The following CNTNAP5 variants were observed in gnomAD, a reference collection of about 807,000 sequenced individuals.
The protein encoded by CNTNAP5 is contactin-associated protein-like 5.
A neutral mutation model predicts 150.2 loss-of-function variants in CNTNAP5; 72 were observed. That is an observed-to-expected ratio of 0.48 (90% CI 0.40 to 0.58). CNTNAP5 has a LOEUF of 0.58. CNTNAP5 is among the 20% of genes least tolerant of loss of function. The pLI is 0.00. For synonymous variants in CNTNAP5, 672 were observed against 619.8 expected, an observed-to-expected ratio of 1.08 and a Z score of -1.25; for missense variants, 1,636 against 1,626.2, an observed-to-expected ratio of 1.01 and a Z score of -0.10.
intron 7 of CNTNAP5, among the ~76,000 whole-genome samples, chr2:124,483,190 C>A (rs972736511): frequency 8.5e-5 from 13 of 152,166 alleles, no homozygotes; most frequent in African/African-American, 3.1e-4. Context: ...TCAAAATATT[C>A]ACCAGGTTCT....
chr2:124,710,605 A>G (rs1679786897), intron 13 of CNTNAP5, among the ~76,000 whole-genome samples: 1 of 152,122 alleles, frequency 6.6e-6, no homozygotes, highest in Admixed American at 6.6e-5. Context: ...GGTGCTGAAG[A>G]TATGGCAATT....
chr2:124,870,617 ACTCT>A (rs67823703), intron 21 of CNTNAP5, among the ~76,000 whole-genome samples: 6,403 of 151,702 alleles, frequency 0.042, 441 homozygotes, highest in African/African-American at 0.15. Flanking sequence ...ATTCTTTCTG[ACTCT>A]CTCTCTATCA....
chr2:124,280,555 T>C (rs1488872028), intron 3 of CNTNAP5, among the ~76,000 whole-genome samples: 1 of 152,104 alleles, frequency 6.6e-6, no homozygotes, highest in Non-Finnish European at 1.5e-5. Context: ...TTTGCTGACA[T>C]TTTGGTGACA....
intron 16 of CNTNAP5, among the ~76,000 whole-genome samples, chr2:124,764,577 G>A (rs535031301): frequency 6.7e-4 from 102 of 152,222 alleles, no homozygotes; most frequent in African/African-American, 2.4e-3. Flanking sequence ...CACTAGGAGC[G>A]TGTGACTATC....
chr2:124,909,437 G>A (rs1225215980), intron 22 of CNTNAP5, among the ~76,000 whole-genome samples: 1 of 152,012 alleles, frequency 6.6e-6, no homozygotes, highest in Non-Finnish European at 1.5e-5. Context: ...TCCACACAAC[G>A]ACAAAATTGC....
chr2:124,227,648 G>A (rs557299487), intron 2 of CNTNAP5, among the ~76,000 whole-genome samples: 135 of 150,216 alleles, frequency 9.0e-4, no homozygotes, highest in African/African-American at 3.3e-3. Context: ...GTATGTGTGT[G>A]TGTGTGTGTG....
intron 19 of CNTNAP5, among the ~76,000 whole-genome samples, chr2:124,860,218 T>C (rs568224547): frequency 6.6e-6 from 1 of 151,782 alleles, no homozygotes; most frequent in South Asian, 2.1e-4. Flanking sequence ...TGCATGGTGG[T>C]GGGCGCCTGT....
intron 13 of CNTNAP5, among the ~76,000 whole-genome samples, chr2:124,689,299 A>T (rs571312929): frequency 6.6e-6 from 1 of 152,230 alleles, no homozygotes; most frequent in African/African-American, 2.4e-5. Context: ...CATTATCGGG[A>T]TGAAGATATT....
chr2:124,219,209 T>G (rs1359853749), intron 1 of CNTNAP5, among the ~76,000 whole-genome samples: 1 of 152,142 alleles, frequency 6.6e-6, no homozygotes, highest in East Asian at 1.9e-4. Context: ...ATATATGCAT[T>G]TGTAAAAATG....
chr2:124,497,987 C>T lies in CNTNAP5; in HGVS notation c.1063-6305C>T, dbSNP rs539523189. On this transcript the variant is annotated intron_variant, in intron 7 of 23. Coordinates refer to ENST00000682447, the MANE Select transcript of CNTNAP5 (RefSeq NM_001367498.1). ...GTGTCAAAAGTCTTGAGGAAGTAAA[C>T]CTTCTGCCATGACACTCCTGTCCAT... 2.0e-5 allele frequency among the ~76,000 whole-genome samples: 3 copies of T among 152,302 alleles called. No individual in the cohort carries two copies. The South Asian group carries it at 6.2e-4, about 32-fold the overall frequency.
intron 11 of CNTNAP5, among the ~76,000 whole-genome samples, chr2:124,606,837 G>A (rs1330085930): frequency 6.6e-6 from 1 of 151,990 alleles, no homozygotes; most frequent in African/African-American, 2.4e-5. Flanking sequence ...CAATTACCTC[G>A]CACCAGGTTC....
At chr2:124,396,735 G>A (rs567503074) in intron 3 of CNTNAP5, among the ~76,000 whole-genome samples, 107 of 152,158 alleles carry the variant, frequency 7.0e-4, no homozygotes, top group African/African-American at 2.4e-3. Context: ...TAAATTCACT[G>A]GTAATGTGAA....
intron 13 of CNTNAP5, among the ~76,000 whole-genome samples, chr2:124,655,537 T>TTATATA (rs35983123): frequency 5.0e-4 from 74 of 148,126 alleles, no homozygotes; most frequent in Non-Finnish European, 9.2e-4. Flanking sequence ...CATCAAATGA[T>TTATATA]TATATATATA....
In CNTNAP5 at chr2:124,693,624, C is replaced by T. The variant is rs549954594; in HGVS notation, c.2077+45666C>T. On this transcript the variant is annotated intron_variant, in intron 13 of 23. Transcript: ENST00000682447. ...CACGTGTTAGTTACTCTGTTCCTGA[C>T]GCCCCTGTGGAGGCCGTGGCTGAGA... is the stretch of plus-strand genomic sequence containing the variant. Among the ~76,000 whole-genome samples the T allele has an allele frequency of 9.2e-5, 14 of 152,118 alleles. No individual in the cohort carries two copies. In the South Asian group the frequency reaches 1.9e-3, roughly 20 times the overall value.
rs974017597 is a variant in CNTNAP5, at chr2:124,872,915, A to G, written c.3436+3153A>G. ...GTGAATTGAAACTTTACAGCAAGGT[A>G]CTACAGACAACTTGTTATTTTATTT... On this transcript the variant is annotated intron_variant, in intron 21 of 23. Coordinates refer to ENST00000682447, the MANE Select transcript of CNTNAP5 (RefSeq NM_001367498.1). Among the ~76,000 whole-genome samples the G allele has an allele frequency of 2.6e-5, 4 of 152,264 alleles. No individual in the cohort carries two copies. In the East Asian group the frequency reaches 5.8e-4, roughly 22 times the overall value.
chr2:124,853,522 G>C (rs185399427), intron 19 of CNTNAP5, among the ~76,000 whole-genome samples: 2 of 152,240 alleles, frequency 1.3e-5, no homozygotes, highest in South Asian at 2.1e-4. Context: ...CTTCAGGTAC[G>C]GTGAGATCCA....
chr2:124,413,304 A>G (rs140073538), intron 3 of CNTNAP5, among the ~76,000 whole-genome samples: 60,420 of 150,856 alleles, frequency 0.4, 13,602 homozygotes, highest in South Asian at 0.51. Context: ...CAGTTCAACC[A>G]TTGTGGAAGT....
At chr2:124,775,032 CTA>C (rs1681290748) in intron 17 of CNTNAP5, among the ~76,000 whole-genome samples, 1 of 152,174 alleles carries the variant, frequency 6.6e-6, no homozygotes, top group African/African-American at 2.4e-5. Flanking sequence ...CCTGCTTCTG[CTA>C]TGTTTCTCTC....
chr2:124,902,875 A>G lies in CNTNAP5; in HGVS notation c.3437-7A>G, dbSNP rs1289208284. On this transcript the variant is annotated splice_region_variant and splice_polypyrimidine_tract_variant and intron_variant, in intron 21 of 23. Coordinates refer to ENST00000682447, the MANE Select transcript of CNTNAP5 (RefSeq NM_001367498.1). ...TAAAGGACTTCTGATTATCTTTTAC[A>G]TTGCAGAGAATCTTGGTTTGGATTC... is the stretch of plus-strand genomic sequence containing the variant. 6.3e-7 allele frequency: 1 copy of G among 1,597,320 alleles called. No homozygotes were observed. The highest frequency in any genetic ancestry group is 8.6e-7 in the Non-Finnish European group (1 of 1,168,206).
Sources: gnomAD v4.1 joint callset for allele counts (sites outside exome capture counted in the v4.1 genomes callset) on GRCh38, gnomAD v4.1.1 for gene constraint, MANE v1.5 for transcripts, NCBI Gene and HGNC (gene_info 2026-07-23, HGNC 2026-07-21) for gene names.